KCNK10: variants seen among roughly 807,000 people sequenced by gnomAD.
KCNK10 encodes potassium two pore domain channel subfamily K member 10, also known as potassium channel subfamily K member 10.
Under a neutral mutation model 47.7 loss-of-function variants are expected in KCNK10, and 25 were observed. The observed-to-expected ratio is 0.52, with a 90% CI of 0.38 to 0.73. The LOEUF (loss-of-function observed/expected upper bound fraction) is 0.73. Among genes scored for constraint, KCNK10 ranks in the 30% least tolerant of loss-of-function variants. The pLI, the probability that KCNK10 is intolerant of heterozygous loss-of-function variation, is 0.00. For missense variants in KCNK10, 563 were observed against 714.5 expected (o/e 0.79, Z 2.42); for synonymous variants, 303 against 285.6 (o/e 1.06, Z -0.61).
intron 2 of KCNK10, among the ~76,000 whole-genome samples, chr14:88,241,127 T>C (rs978899227): frequency 1.3e-5 from 2 of 152,218 alleles, no homozygotes; most frequent in Non-Finnish European, 2.9e-5. Context: ...TCTGTGCATA[T>C]ACACACACAA....
At chr14:88,227,559 GGA>G in intron 3 of KCNK10, 24 bp from the exon 4 acceptor site, 1 of 1,568,114 alleles carries the variant, frequency 6.4e-7, no homozygotes. Flanking sequence ...TGAAAAAGAG[GGA>G]GAGTGGCAGA....
In KCNK10 at chr14:88,263,231, T is replaced by G; in HGVS notation, c.373A>C (p.Ser125Arg). The G allele has an allele frequency of 6.2e-7, 1 of 1,614,062 alleles. No individual in the cohort carries two copies. The highest frequency in any genetic ancestry group is 1.7e-4 in the Middle Eastern group (1 of 6,058). ...ATCAACGTCTCCAGCTCCTGGGGGC[T>G]CACACAGACATGATCCCGCAGGAAT... ...AEFLRDHVCVSPQELETLIQH... is the reference protein window; with the variant it reads ...AEFLRDHVCVRPQELETLIQH... Residue 125 changes from serine to arginine, a missense_variant, in exon 2 of 7, where the codon AGC becomes CGC. Physicochemically the swap from Ser to Arg is moderately radical, Grantham distance 110. Coordinates refer to ENST00000319231, the MANE Select transcript of KCNK10 (RefSeq NM_138317.3).
chr14:88,275,693 CAAAAAAAAAAA>C (rs71126972), intron 1 of KCNK10, among the ~76,000 whole-genome samples: 5 of 71,972 alleles, frequency 6.9e-5, no homozygotes, highest in African/African-American at 2.1e-4. Context: ...GCTAAAAATA[CAAAAAAAAAAA>C]AAAAAAAAAA....
At chr14:88,300,244 C>T (rs944132132) in intron 1 of KCNK10, among the ~76,000 whole-genome samples, 1 of 152,182 alleles carries the variant, frequency 6.6e-6, no homozygotes, top group Non-Finnish European at 1.5e-5. Context: ...ACATACATTC[C>T]CTTCCCTGAG....
chr14:88,209,316 C>T (rs1570193), intron 4 of KCNK10, among the ~76,000 whole-genome samples: 54,726 of 152,120 alleles, frequency 0.36, 9,942 homozygotes, highest in African/African-American at 0.4. Context: ...AATAAATTCT[C>T]ACTCATTCTT....
chr14:88,240,257 G>C (rs904535142), intron 3 of KCNK10, among the ~76,000 whole-genome samples: 4 of 152,316 alleles, frequency 2.6e-5, no homozygotes, highest in Non-Finnish European at 4.4e-5. Flanking sequence ...ATGGGGATGA[G>C]TGTTAAAATC....
chr14:88,312,789 T>G (rs113115542), intron 1 of KCNK10, among the ~76,000 whole-genome samples: 14 of 152,338 alleles, frequency 9.2e-5, no homozygotes, highest in African/African-American at 3.4e-4. Context: ...AAATAGACAC[T>G]TCCAGTATTT....
At chr14:88,268,603 A>G (rs1012884377) in intron 1 of KCNK10, among the ~76,000 whole-genome samples, 3 of 152,208 alleles carry the variant, frequency 2.0e-5, no homozygotes, top group African/African-American at 7.2e-5. Flanking sequence ...TATCCCAAAA[A>G]ATAGGAACGA....
At chr14:88,248,546 T>C (rs1886704939) in intron 2 of KCNK10, among the ~76,000 whole-genome samples, 1 of 152,034 alleles carries the variant, frequency 6.6e-6, no homozygotes, top group South Asian at 2.1e-4. Context: ...CTGGGCAACA[T>C]GGCAAAATCC....
chr14:88,245,948 G>A (rs920786324), intron 2 of KCNK10, among the ~76,000 whole-genome samples: 1 of 152,196 alleles, frequency 6.6e-6, no homozygotes, highest in Admixed American at 6.5e-5. Flanking sequence ...TACAATGGTG[G>A]CTGCGTCCAC....
chr14:88,297,934 G>A (rs191156282), intron 1 of KCNK10, among the ~76,000 whole-genome samples: 4 of 152,310 alleles, frequency 2.6e-5, no homozygotes, highest in East Asian at 1.9e-4. Context: ...TCTGCAGTGG[G>A]AATACCAAAT....
chr14:88,211,630 G>C, intron 4 of KCNK10, among the ~76,000 whole-genome samples: 1 of 152,184 alleles, frequency 6.6e-6, no homozygotes, highest in Non-Finnish European at 1.5e-5. Flanking sequence ...AGGCGCGGTG[G>C]CTCACGGCTG....
intron 1 of KCNK10, among the ~76,000 whole-genome samples, chr14:88,291,501 G>T (rs77900035): frequency 0.021 from 3,218 of 152,276 alleles, 60 homozygotes; most frequent in Non-Finnish European, 0.027. Context: ...CAGCACTATG[G>T]CAAATGAAGG....
intron 2 of KCNK10, among the ~76,000 whole-genome samples, chr14:88,257,520 C>G (rs1886991072): frequency 6.6e-6 from 1 of 152,254 alleles, no homozygotes; most frequent in Non-Finnish European, 1.5e-5. Flanking sequence ...CATGGCCTAC[C>G]CAATGAATCC....
rs762405855 is a variant in KCNK10 at position 88,227,410 on chromosome 14, C to T, written c.646G>A (p.Gly216Arg). Residue 216 changes from glycine to arginine, a missense_variant, in exon 4 of 7, where the codon GGG (glycine) becomes AGG (arginine). By Grantham distance (125) the Gly-to-Arg change is moderately radical. Coordinates refer to ENST00000319231, the MANE Select transcript of KCNK10 (RefSeq NM_138317.3). ...GIGDQLGTIF[G>R]KSIARVEKVF... Reference sequence around the variant, plus strand: ...TTCTCCACTCTTGCAATGCTTTTCCCAAAGATGGTTCCAAGTTGGTCTCCA... The same window carrying T: ...TTCTCCACTCTTGCAATGCTTTTCCTAAAGATGGTTCCAAGTTGGTCTCCA... The T allele has an allele frequency of 1.1e-5, 18 of 1,612,854 alleles. No individual in the cohort carries two copies. The highest frequency in any genetic ancestry group is 8.5e-7 in the Non-Finnish European group (1 of 1,179,666).
chr14:88,257,709 C>T (rs7155220), intron 2 of KCNK10, among the ~76,000 whole-genome samples: 34,136 of 152,210 alleles, frequency 0.22, 7,946 homozygotes, highest in African/African-American at 0.58. Context: ...ATTATCCTCA[C>T]AGAACAGCTG....
chr14:88,244,783 T>G (rs962760640), intron 2 of KCNK10, among the ~76,000 whole-genome samples: 1 of 152,212 alleles, frequency 6.6e-6, no homozygotes, highest in Non-Finnish European at 1.5e-5. Context: ...CGGAACAGTT[T>G]AGCTCAAAAG....
At chr14:88,274,836 C>A (rs1282316443) in intron 1 of KCNK10, among the ~76,000 whole-genome samples, 1 of 152,116 alleles carries the variant, frequency 6.6e-6, no homozygotes, top group Non-Finnish European at 1.5e-5. Flanking sequence ...AATCTCCACA[C>A]CCCACATCCA....
chr14:88,266,856 T>C (rs1211502370), intron 1 of KCNK10, among the ~76,000 whole-genome samples: 2 of 152,198 alleles, frequency 1.3e-5, no homozygotes, highest in Non-Finnish European at 2.9e-5. Flanking sequence ...ACTCCGTCAC[T>C]GACCTGCATC....
Sources: allele counts gnomAD v4.1 joint callset (sites outside exome capture counted in the v4.1 genomes callset), GRCh38; gene constraint gnomAD v4.1.1; transcripts MANE v1.5; gene names NCBI Gene and HGNC (gene_info 2026-07-23, HGNC 2026-07-21).